LAMA5: variants seen among roughly 807,000 people sequenced by gnomAD.
LAMA5 encodes the protein laminin subunit alpha-5.
A neutral mutation model predicts 433.4 loss-of-function variants in LAMA5; 260 were observed. The observed-to-expected ratio is 0.60, with a 90% CI of 0.54 to 0.66. The LOEUF is 0.66. Ranked by LOEUF, LAMA5 falls within the 30% of genes least tolerant of loss-of-function variation. LAMA5 has a pLI of 0.00. For synonymous variants in LAMA5, 2,620 were observed against 2,226.6 expected (o/e 1.18, Z -4.97); for missense variants, 5,378 against 5,258.5 (o/e 1.02, Z -0.70).
rs1344494028 is a variant in LAMA5 at position 62,317,786 on chromosome 20, C to T, written c.7240-8G>A. On this transcript the variant is annotated splice_polypyrimidine_tract_variant and splice_region_variant and intron_variant, in intron 53 of 79. Transcript: ENST00000252999. Reference sequence around the variant, plus strand: ...CAGCTCCTGCTTCCTTTGCTGAAGGCAATGCAGGGGAGTTGGGGACAATGA... The same window carrying T: ...CAGCTCCTGCTTCCTTTGCTGAAGGTAATGCAGGGGAGTTGGGGACAATGA... The T allele has an allele frequency of 1.3e-6, 2 of 1,568,726 alleles. No homozygotes were observed. Among genetic ancestry groups the T allele is most frequent in the Admixed American group, 1.8e-5 (1 of 56,308 alleles).
chr20:62,320,714 GA>G, intron 49 of LAMA5, 24 bp downstream of exon 49: 1 of 1,612,382 alleles, frequency 6.2e-7, no homozygotes, highest in Non-Finnish European at 8.5e-7. Flanking sequence ...CCGGGTTGGG[GA>G]GGGAAGGCCA....
chr20:62,335,641 T>C (rs1293040650), intron 18 of LAMA5, among the ~76,000 whole-genome samples: 162 of 64,230 alleles, frequency 2.5e-3, no homozygotes, highest in Middle Eastern at 0.019. Flanking sequence ...CACCCCAACA[T>C]TCCCTCCAGG....
In LAMA5 at chr20:62,344,088, G is replaced by A. The variant is rs115393121; in HGVS notation, c.1477+1730C>T. ...GAACCTGGGAGGCACAAGTGGTAGC[G>A]AGCCAAGATCACACCATCACATTCC... On this transcript the variant is annotated intron_variant, in intron 11 of 79. Coordinates refer to ENST00000252999, the MANE Select transcript of LAMA5 (RefSeq NM_005560.6). Among the ~76,000 whole-genome samples the A allele has an allele frequency of 6.0e-3, 874 of 146,086 alleles. 8 individuals are homozygous for A. The highest frequency in any genetic ancestry group is 0.021 in the African/African-American group (843 of 39,472).
In LAMA5 at chr20:62,366,931, G is replaced by C; in HGVS notation, c.297+18C>G. ...GAGTGCCCCGGGAGGAAGCCCCACGGCCCGCCCCTGCGCTCACCCGGATGG... is the reference window on the plus strand; with the variant it reads ...GAGTGCCCCGGGAGGAAGCCCCACGCCCCGCCCCTGCGCTCACCCGGATGG... On this transcript the variant is annotated intron_variant, in intron 1 of 79. Transcript: ENST00000252999. 8.0e-7 allele frequency: 1 copy of C among 1,253,524 alleles called. No homozygotes were observed. The highest frequency in any genetic ancestry group is 1.0e-6 in the Non-Finnish European group (1 of 1,000,506). The allele number at this position is 1,253,524 out of a possible 1,614,324, so 77.7% of individuals were successfully genotyped here.
chr20:62,344,823 T>C (rs1983105616), intron 11 of LAMA5, among the ~76,000 whole-genome samples: 1 of 151,304 alleles, frequency 6.6e-6, no homozygotes, highest in Admixed American at 6.6e-5. Flanking sequence ...TTCCAACCAC[T>C]GGGGGTTGTT....
In LAMA5 at chr20:62,324,812, T is replaced by C; in HGVS notation, c.5530-258A>G. 2.0e-6 allele frequency: 1 copy of C among 507,860 alleles called. No individual in the cohort carries two copies. The highest frequency in any genetic ancestry group is 2.1e-5 in the South Asian group (1 of 46,574). The allele number at this position is 507,860 out of a possible 1,614,324, so 31.5% of individuals were successfully genotyped here. A position where few individuals can be genotyped will look rare whatever the true frequency, so the allele number is the denominator to read the frequency against. ...TCCTGTCTCGGGAATGACCAGGCCT[T>C]GGGGCTGGTGACCACCCACTCCATG... On this transcript the variant is annotated intron_variant, in intron 41 of 79. Transcript: ENST00000252999. This position sits in a 1 kb window ranked among gnomAD's most constrained non-coding sequence, Gnocchi z 4.4.
At position 62,335,318 on chromosome 20, in the gene LAMA5, T is replaced by G. The variant is rs1981372065; in HGVS notation, c.2324-49A>C. On this transcript the variant is annotated intron_variant, in intron 18 of 79. Transcript: ENST00000252999. ...AGATGCTTGGTGGGGCAGGAGAGCC[T>G]GGCTCCAGCCCCCCGAGGAACCCCC... is the stretch of plus-strand genomic sequence containing the variant. The G allele has an allele frequency of 2.5e-6, 4 of 1,594,918 alleles. No homozygotes were observed. In the East Asian group the frequency reaches 9.0e-5, roughly 36 times the overall value.
chr20:62,320,378 G>A (rs1409648561), intron 50 of LAMA5, among the ~76,000 whole-genome samples, 181 bp downstream of exon 50: 3 of 146,376 alleles, frequency 2.0e-5, no homozygotes, highest in Non-Finnish European at 4.5e-5. Context: ...GTAAACAAAT[G>A]TATTAGGTAG....
chr20:62,344,650 T>C (rs1015440775), intron 11 of LAMA5, among the ~76,000 whole-genome samples: 1 of 152,060 alleles, frequency 6.6e-6, no homozygotes, highest in Admixed American at 6.5e-5. Context: ...GGTTTCACCA[T>C]GTTGGCCAGG....
intron 2 of LAMA5, among the ~76,000 whole-genome samples, chr20:62,357,636 G>A (rs957904553): frequency 2.6e-5 from 4 of 152,202 alleles, no homozygotes; most frequent in Non-Finnish European, 5.9e-5. Flanking sequence ...TGGAAAAGCC[G>A]GGGGTTTCCA....
At position 62,362,459 on chromosome 20, in the gene LAMA5, G is replaced by A; in HGVS notation, c.391C>T (p.Pro131Ser). ...IDGTERWWQS[P>S]PLSRGLEYNE... ...TACTCCAGGCCGCGGGACAGCGGTG[G>A]ACTCTGCCACCAGCGCTCCGTGCCA... Residue 131 changes from proline (P) to serine (S), a missense_variant, in exon 2 of 80, where the codon CCA (proline) becomes TCA (serine). Pro to Ser is a moderately conservative substitution (Grantham distance 74). Transcript: ENST00000252999. The A allele has an allele frequency of 1.2e-6, 2 of 1,601,448 alleles. No homozygotes were observed. Among genetic ancestry groups the A allele is most frequent in the Non-Finnish European group, 1.7e-6 (2 of 1,173,032 alleles).
rs766494223 is a variant in LAMA5, at chr20:62,309,409, C to T, written c.11015G>A (p.Arg3672Gln). The change falls in exon 80 of 80, where the codon CGG (arginine) becomes CAG (glutamine). Residue 3672 changes from arginine (R) to glutamine (Q), a missense_variant. By Grantham distance (43) the Arg-to-Gln change is conservative. Coordinates refer to ENST00000252999, the MANE Select transcript of LAMA5 (RefSeq NM_005560.6). ...CGCMRRLAVN[R>Q]SPVAMTRSVE... ...AGAGCGAGTCATGGCGACGGGGGAC[C>T]GGTTCACCGCCAGCCTCCTCATGCA... 198 of 1,585,254 alleles carry T rather than the reference C, an allele frequency of 1.2e-4. 1 individual carries two copies. The highest frequency in any genetic ancestry group is 4.5e-4 in the Middle Eastern group (2 of 4,428).
chr20:62,338,302 G>T lies in LAMA5; in HGVS notation c.1686C>A (p.Cys562Ter). ...ATGTGGCCCCCTCGAAGCCCACTCG[G>T]CACCTGCACTGGCCTGTGTCAGGGT... ...RCDPDTGQCR[C>*]RVGFEGATCD... Residue 562 changes from cysteine to a stop codon, truncating the protein, a stop_gained, in exon 13 of 80, where the codon TGC becomes TGA. Coordinates refer to ENST00000252999, the MANE Select transcript of LAMA5 (RefSeq NM_005560.6). LOFTEE classifies it high-confidence loss of function. 1 of 1,604,698 alleles carries T rather than the reference G, an allele frequency of 6.2e-7. No individual in the cohort carries two copies. The highest frequency in any genetic ancestry group is 8.5e-7 in the Non-Finnish European group (1 of 1,176,064).
chr20:62,365,804 ACCT>A (rs1161915197), intron 1 of LAMA5, among the ~76,000 whole-genome samples: 5 of 151,582 alleles, frequency 3.3e-5, no homozygotes, highest in Non-Finnish European at 5.9e-5. Context: ...TGGGCTTGAG[ACCT>A]CCTATCTCAG....
intron 31 of LAMA5, 21 bp downstream of exon 31, chr20:62,330,467 C>A (rs1327868396): frequency 1.3e-6 from 2 of 1,518,838 alleles, no homozygotes; most frequent in African/African-American, 2.8e-5. Flanking sequence ...AGCCTCTCCA[C>A]CCCCCACACC....
chr20:62,336,643 A>G (rs548242431), intron 17 of LAMA5, 91 bp downstream of exon 17: 6 of 1,463,972 alleles, frequency 4.1e-6, no homozygotes, highest in East Asian at 2.3e-5. Flanking sequence ...ACTGAGCAGC[A>G]GGCAGGAAGC....
rs1391911980 is a variant in LAMA5, at chr20:62,314,545, A to G, written c.8367+10T>C. 4 of 1,606,326 alleles carry G rather than the reference A, an allele frequency of 2.5e-6. No individual in the cohort carries two copies. Among genetic ancestry groups the G allele is most frequent in the Admixed American group, 1.7e-5 (1 of 59,606 alleles). ...GAGCTCGGGCCGCATCCACCCAGCC[A>G]GCCTGGTACCTGGCGGCTGCCCATG... On this transcript the variant is annotated intron_variant, in intron 61 of 79. Transcript: ENST00000252999.
intron 11 of LAMA5, among the ~76,000 whole-genome samples, chr20:62,341,449 G>C (rs1273705677): frequency 1.3e-5 from 2 of 152,166 alleles, no homozygotes; most frequent in Non-Finnish European, 2.9e-5. Context: ...GTGTGCAGGA[G>C]CAGTCCTGTG....
chr20:62,330,708 G>A (rs370761424), intron 30 of LAMA5, 35 bp downstream of exon 30: 1 of 1,555,546 alleles, frequency 6.4e-7, no homozygotes, highest in Non-Finnish European at 8.7e-7. Context: ...GTCCTGCCCT[G>A]ACACCCCCGT....
Sources: allele counts gnomAD v4.1 joint callset (sites outside exome capture counted in the v4.1 genomes callset), GRCh38; gene constraint gnomAD v4.1.1; non-coding constraint Gnocchi (gnomAD v3.1); transcripts MANE v1.5; gene names NCBI Gene and HGNC (gene_info 2026-07-23, HGNC 2026-07-21).